Variants in DLGAP1 observed in about 807,000 individuals in gnomAD.
The protein encoded by DLGAP1 is disks large-associated protein 1.
A neutral mutation model predicts 90.8 loss-of-function variants in DLGAP1; 11 were observed. That is an observed-to-expected ratio of 0.12 (90% confidence interval 0.08 to 0.20). The LOEUF (loss-of-function observed/expected upper bound fraction) is 0.20. Among genes scored for constraint, DLGAP1 ranks in the 10% least tolerant of loss-of-function variants. The pLI is 1.00. For missense variants in DLGAP1, 1,050 were observed against 1,333.8 expected (o/e 0.79, Z 3.31); for synonymous variants, 558 against 540.7 (o/e 1.03, Z -0.44).
chr18:4,202,446 T>C (rs555553770), intron 1 of DLGAP1, among the ~76,000 whole-genome samples: 2 of 152,264 alleles, frequency 1.3e-5, no homozygotes, highest in African/African-American at 2.4e-5. Context: ...ATTCAATTCA[T>C]TCAAGTAACC....
intron 2 of DLGAP1, among the ~76,000 whole-genome samples, chr18:4,094,403 A>G (rs1373135929): frequency 3.9e-5 from 6 of 151,922 alleles, no homozygotes; most frequent in African/African-American, 1.4e-4. Context: ...TTTAAAATTA[A>G]TTTTCTGTAT....
At chr18:4,384,802 T>TAA (rs2082197488) in intron 1 of DLGAP1, among the ~76,000 whole-genome samples, 3 of 151,974 alleles carry the variant, frequency 2.0e-5, no homozygotes, top group African/African-American at 7.3e-5. Flanking sequence ...CAAACAAAAA[T>TAA]CTATCTTATT....
At chr18:4,218,465 G>A (rs910384516) in intron 1 of DLGAP1, among the ~76,000 whole-genome samples, 1 of 151,540 alleles carries the variant, frequency 6.6e-6, no homozygotes, top group East Asian at 1.9e-4. Flanking sequence ...CTTTTTTTGT[G>A]ATGAAAACAT....
intron 1 of DLGAP1, among the ~76,000 whole-genome samples, chr18:4,432,742 CT>C (rs1180827365): frequency 5.3e-5 from 8 of 152,166 alleles, no homozygotes; most frequent in African/African-American, 1.9e-4. Context: ...TCTTTGCACT[CT>C]TAATCAACAC....
chr18:3,899,947 C>T (rs1025955073), intron 3 of DLGAP1, among the ~76,000 whole-genome samples: 5 of 152,044 alleles, frequency 3.3e-5, no homozygotes, highest in African/African-American at 1.2e-4. Context: ...TTTGTTTAGA[C>T]CCTGGGAATG....
At chr18:3,678,607 C>T (rs944012948) in intron 7 of DLGAP1, among the ~76,000 whole-genome samples, 6 of 152,148 alleles carry the variant, frequency 3.9e-5, no homozygotes, top group African/African-American at 1.2e-4. Context: ...GGATAAAATA[C>T]ATTTACAATT....
chr18:3,563,830 A>C (rs911871474), intron 9 of DLGAP1, among the ~76,000 whole-genome samples: 1 of 152,100 alleles, frequency 6.6e-6, no homozygotes, highest in Non-Finnish European at 1.5e-5. Flanking sequence ...TTCTATTGTT[A>C]TATCCTCAAG....
chr18:3,669,910 T>G (rs909279644), intron 7 of DLGAP1, among the ~76,000 whole-genome samples: 1 of 152,082 alleles, frequency 6.6e-6, no homozygotes, highest in African/African-American at 2.4e-5. Context: ...CACTGGGGCT[T>G]CAGCTGTAAA....
intron 1 of DLGAP1, among the ~76,000 whole-genome samples, chr18:4,396,154 C>G (rs535785886): frequency 5.3e-5 from 8 of 152,250 alleles, no homozygotes; most frequent in African/African-American, 1.9e-4. Flanking sequence ...AGAGCAAATA[C>G]AAATTTAACA....
At chr18:3,743,276 G>C (rs1157672485) in intron 5 of DLGAP1, among the ~76,000 whole-genome samples, 1 of 151,996 alleles carries the variant, frequency 6.6e-6, no homozygotes, top group Non-Finnish European at 1.5e-5. Context: ...ACTACTCATA[G>C]CAGTTTGGGG....
intron 9 of DLGAP1, among the ~76,000 whole-genome samples, chr18:3,563,638 T>C (rs1446822387): frequency 6.6e-6 from 1 of 151,992 alleles, no homozygotes; most frequent in Non-Finnish European, 1.5e-5. Flanking sequence ...CCCGGCTAAT[T>C]TTTTATTTTT....
intron 7 of DLGAP1, among the ~76,000 whole-genome samples, chr18:3,676,566 C>T (rs1355008438): frequency 6.6e-6 from 1 of 152,140 alleles, no homozygotes; most frequent in Non-Finnish European, 1.5e-5. Context: ...GCTTCAAGGT[C>T]CTACAAAAAC....
At chr18:4,066,559 A>C (rs1187046950) in intron 2 of DLGAP1, among the ~76,000 whole-genome samples, 2 of 152,176 alleles carry the variant, frequency 1.3e-5, no homozygotes, top group Admixed American at 1.3e-4. Flanking sequence ...TGGAGCCAAC[A>C]AGCATATGAA....
chr18:4,259,392 C>A (rs960908265), intron 1 of DLGAP1, among the ~76,000 whole-genome samples: 1 of 152,152 alleles, frequency 6.6e-6, no homozygotes, highest in Non-Finnish European at 1.5e-5. Flanking sequence ...TAGACTTGTG[C>A]CTAACTCATA....
intron 1 of DLGAP1, among the ~76,000 whole-genome samples, chr18:4,212,854 A>T (rs2077874967): frequency 6.6e-6 from 1 of 152,114 alleles, no homozygotes; most frequent in Non-Finnish European, 1.5e-5. Flanking sequence ...TCATTCAAAA[A>T]ATGTTTCAGG....
At chr18:3,528,746 G>C (rs75217325) in intron 10 of DLGAP1, among the ~76,000 whole-genome samples, 2 of 152,216 alleles carry the variant, frequency 1.3e-5, no homozygotes, top group African/African-American at 4.8e-5. Context: ...CCCTGATCTG[G>C]ATTGGCCGCA....
intron 7 of DLGAP1, among the ~76,000 whole-genome samples, chr18:3,624,552 T>C (rs1258087089): frequency 6.6e-6 from 1 of 152,202 alleles, no homozygotes; most frequent in African/African-American, 2.4e-5. Context: ...TTCTCTGAAC[T>C]GTAGGAGTAG....
At chr18:3,574,962 C>A (rs956040357) in intron 8 of DLGAP1, among the ~76,000 whole-genome samples, 2 of 151,510 alleles carry the variant, frequency 1.3e-5, no homozygotes, top group Non-Finnish European at 2.9e-5. Context: ...CTACAGGCGC[C>A]CGCCACCACG....
intron 1 of DLGAP1, among the ~76,000 whole-genome samples, chr18:4,373,893 A>G (rs2081966018): frequency 6.6e-6 from 1 of 152,146 alleles, no homozygotes; most frequent in Non-Finnish European, 1.5e-5. Context: ...AAAGATAAGT[A>G]TTTCTGTTTT....
Sources: allele counts gnomAD v4.1 joint callset (sites outside exome capture counted in the v4.1 genomes callset), GRCh38; gene constraint gnomAD v4.1.1; transcripts MANE v1.5; gene names NCBI Gene and HGNC (gene_info 2026-07-23, HGNC 2026-07-21).